PAX2: variants seen among roughly 807,000 people sequenced by gnomAD.
The protein encoded by PAX2 is paired box protein Pax-2.
Under a neutral mutation model 41.7 loss-of-function variants are expected in PAX2, and 9 were observed. The observed-to-expected ratio is 0.22, with a 90% CI of 0.13 to 0.38. The LOEUF is 0.38. Among genes scored for constraint, PAX2 ranks in the 10% least tolerant of loss-of-function variants. The pLI is 1.00. For missense variants in PAX2, 418 were observed against 531.6 expected (o/e 0.79, Z 2.10); for synonymous variants, 221 against 212.7 (o/e 1.04, Z -0.34).
intron 3 of PAX2, among the ~76,000 whole-genome samples, chr10:100,754,121 G>A (rs1258012822): frequency 6.6e-6 from 1 of 152,226 alleles, no homozygotes; most frequent in Non-Finnish European, 1.5e-5. Context: ...GCCTGGAGAG[G>A]GGAGAGGTGG....
At chr10:100,757,480 C>T (rs376543307) in intron 3 of PAX2, among the ~76,000 whole-genome samples, 3 of 152,252 alleles carry the variant, frequency 2.0e-5, no homozygotes, top group East Asian at 1.9e-4. Flanking sequence ...AATGATGCCA[C>T]AAGAGCTGTG....
chr10:100,811,479 A>T (rs368257160), intron 7 of PAX2, among the ~76,000 whole-genome samples: 1 of 152,208 alleles, frequency 6.6e-6, no homozygotes, highest in African/African-American at 2.4e-5. Context: ...TCAGGCCAGG[A>T]TATTGTGGGT....
chr10:100,811,691 G>A (rs1162587210), intron 7 of PAX2, among the ~76,000 whole-genome samples: 1 of 152,244 alleles, frequency 6.6e-6, no homozygotes, highest in African/African-American at 2.4e-5. Flanking sequence ...GCTTTGGTGG[G>A]AGAAGAGAAA....
intron 3 of PAX2, among the ~76,000 whole-genome samples, chr10:100,773,442 G>A (rs1846280399): frequency 6.6e-6 from 1 of 151,970 alleles, no homozygotes. Flanking sequence ...GGGAGTTTTT[G>A]CACACCATGT....
chr10:100,797,550 C>T (rs925582465), intron 5 of PAX2, among the ~76,000 whole-genome samples: 2 of 152,172 alleles, frequency 1.3e-5, no homozygotes, highest in African/African-American at 4.8e-5. Context: ...ATACTAAGCA[C>T]TTAATAAATG....
chr10:100,765,650 G>C (rs1845994096), intron 3 of PAX2, among the ~76,000 whole-genome samples: 1 of 152,212 alleles, frequency 6.6e-6, no homozygotes, highest in South Asian at 2.1e-4. Context: ...AGGGCCAGAT[G>C]CTGCCCTCTG....
At position 100,827,206 on chromosome 10, in the gene PAX2, G is replaced by A; in HGVS notation, c.1108+111G>A. On this transcript the variant is annotated intron_variant, in intron 9 of 9. Transcript: ENST00000355243. This position sits in a 1 kb window ranked among gnomAD's most constrained non-coding sequence, Gnocchi z 8.5. ...GGGACCCGGCCGGGCCAGGGGGACAGGCTTGTTAGTGCAGCACTGAGGCCC... is the reference window on the plus strand; with the variant it reads ...GGGACCCGGCCGGGCCAGGGGGACAAGCTTGTTAGTGCAGCACTGAGGCCC... The A allele has an allele frequency of 1.1e-6, 1 of 879,988 alleles. No homozygotes were observed. Among genetic ancestry groups the A allele is most frequent in the Non-Finnish European group, 1.9e-6 (1 of 537,366 alleles). 54.5% of individuals were successfully genotyped at this position (879,988 alleles called of 1,614,324 possible). A position where few individuals can be genotyped will look rare whatever the true frequency, so the allele number is the denominator to read the frequency against.
intron 7 of PAX2, among the ~76,000 whole-genome samples, chr10:100,821,282 T>C (rs1848373123): frequency 6.6e-6 from 1 of 152,220 alleles, no homozygotes; most frequent in African/African-American, 2.4e-5. Context: ...AATGAAGCAA[T>C]TGAGAGTGCT....
chr10:100,808,636 G>A lies in PAX2; in HGVS notation c.793-474G>A, dbSNP rs527538766. Among the ~76,000 whole-genome samples, 48 of 152,092 alleles carry A rather than the reference G, an allele frequency of 3.2e-4. 1 individual carries two copies. The highest frequency in any genetic ancestry group is 3.1e-3 in the Admixed American group (47 of 15,282). Reference sequence around the variant, plus strand: ...ACAGGCAGACAGCGAGGGGCCCATGGGGCTGTCATTGTTTGTTTTTAAAAA... The same window carrying A: ...ACAGGCAGACAGCGAGGGGCCCATGAGGCTGTCATTGTTTGTTTTTAAAAA... On this transcript the variant is annotated intron_variant, in intron 6 of 9. Coordinates refer to ENST00000355243, the MANE Select transcript of PAX2 (RefSeq NM_000278.5).
intron 5 of PAX2, among the ~76,000 whole-genome samples, chr10:100,793,531 A>G (rs1847213853): frequency 6.6e-6 from 1 of 152,092 alleles, no homozygotes; most frequent in South Asian, 2.1e-4. Flanking sequence ...CTTCTTCTCC[A>G]CAGGTAACCT....
rs746843519 is a variant in PAX2, at chr10:100,827,678, G to C, written c.*59G>C. 55 of 1,613,016 alleles carry C rather than the reference G, an allele frequency of 3.4e-5. No homozygotes were observed. Among genetic ancestry groups the C allele is most frequent in the Non-Finnish European group, 4.6e-5 (54 of 1,179,768 alleles). ...CAGCTTCGGCCTCCACATCGTCCCC[G>C]TCTGACCCCACCCCGGAGGGAGGGA... On this transcript the variant is annotated 3_prime_UTR_variant, in exon 10 of 10. Transcript: ENST00000355243. This position sits in a 1 kb window ranked among gnomAD's most constrained non-coding sequence, Gnocchi z 8.5.
intron 5 of PAX2, among the ~76,000 whole-genome samples, chr10:100,782,575 C>T (rs921308863): frequency 1.3e-5 from 2 of 152,234 alleles, no homozygotes; most frequent in Non-Finnish European, 2.9e-5. Flanking sequence ...GAAGGGACAG[C>T]GTGGAGGGGA....
chr10:100,762,193 T>C (rs1845864126), intron 3 of PAX2, among the ~76,000 whole-genome samples: 1 of 139,418 alleles, frequency 7.2e-6, no homozygotes, highest in South Asian at 2.2e-4. Flanking sequence ...GTGAGGCCCA[T>C]CTCTATTAAA....
At chr10:100,746,975 C>CT (rs2133825164) in intron 1 of PAX2, 1 of 152,516 alleles carries the variant, frequency 6.6e-6, no homozygotes, top group South Asian at 2.1e-4. Context: ...TCCCACCCCC[C>CT]TTCCCTTGCC....
intron 5 of PAX2, among the ~76,000 whole-genome samples, chr10:100,801,047 G>A (rs1007432240): frequency 1.3e-5 from 2 of 152,170 alleles, no homozygotes; most frequent in East Asian, 1.9e-4. Context: ...TCGTTTGCCT[G>A]GAGACTAGGG....
chr10:100,793,097 C>G (rs1479064792), intron 5 of PAX2, among the ~76,000 whole-genome samples: 9 of 152,200 alleles, frequency 5.9e-5, no homozygotes, highest in African/African-American at 2.2e-4. Context: ...CCTCTTGGTT[C>G]CAGAGATTTC....
chr10:100,792,227 G>T (rs1350099767), intron 5 of PAX2, among the ~76,000 whole-genome samples: 1 of 152,268 alleles, frequency 6.6e-6, no homozygotes, highest in Non-Finnish European at 1.5e-5. Flanking sequence ...GAATATTGGA[G>T]TATCTGTTCT....
intron 7 of PAX2, among the ~76,000 whole-genome samples, chr10:100,818,889 A>G (rs2133974346): frequency 6.6e-6 from 1 of 152,286 alleles, no homozygotes; most frequent in African/African-American, 2.4e-5. Context: ...AGTTTCTGCC[A>G]TCTACTAGCA....
chr10:100,774,401 T>C (rs1489029658), intron 3 of PAX2, among the ~76,000 whole-genome samples: 1 of 152,108 alleles, frequency 6.6e-6, no homozygotes, highest in African/African-American at 2.4e-5. Flanking sequence ...GTGACCCTAG[T>C]GGGGCTTGGT....
Sources: allele counts gnomAD v4.1 joint callset (sites outside exome capture counted in the v4.1 genomes callset), GRCh38; gene constraint gnomAD v4.1.1; non-coding constraint Gnocchi (gnomAD v3.1); transcripts MANE v1.5; gene names NCBI Gene and HGNC (gene_info 2026-07-23, HGNC 2026-07-21).